The following RALGAPA2 variants were observed in gnomAD, a reference collection of about 807,000 sequenced individuals.
The protein encoded by RALGAPA2 is ral GTPase-activating protein subunit alpha-2.
RALGAPA2 carries 139 observed loss-of-function variants against 230.4 expected under a neutral mutation model. The observed-to-expected ratio is 0.60, with a 90% CI of 0.53 to 0.69. The LOEUF (loss-of-function observed/expected upper bound fraction) is 0.69. Among genes scored for constraint, RALGAPA2 ranks in the 30% least tolerant of loss-of-function variants. The probability of loss-of-function intolerance (pLI) is 0.00; values close to 1 mark genes in which losing one functional copy is unlikely to be tolerated. For missense variants in RALGAPA2, 2,163 were observed against 2,276.0 expected (o/e 0.95, Z 1.01); for synonymous variants, 847 against 837.8 (o/e 1.01, Z -0.19).
intron 1 of RALGAPA2, among the ~76,000 whole-genome samples, chr20:20,689,444 T>C (rs1175382442): frequency 6.6e-6 from 1 of 151,974 alleles, no homozygotes; most frequent in Non-Finnish European, 1.5e-5. Context: ...AAGGTCAAGA[T>C]CATCCTGGCC....
intron 14 of RALGAPA2, among the ~76,000 whole-genome samples, chr20:20,605,677 G>A (rs1420710949): frequency 6.6e-6 from 1 of 152,086 alleles, no homozygotes; most frequent in African/African-American, 2.4e-5. Flanking sequence ...TATAATCAGA[G>A]AAAAGACAAA....
intron 4 of RALGAPA2, among the ~76,000 whole-genome samples, chr20:20,649,342 T>C (rs959895869): frequency 1.3e-5 from 2 of 152,130 alleles, no homozygotes; most frequent in Admixed American, 6.5e-5. Flanking sequence ...AGTAGGGACC[T>C]TGAGAAATGA....
At position 20,412,076 on chromosome 20, in the gene RALGAPA2, G is replaced by A. The variant is rs1275533052; in HGVS notation, c.5568C>T (p.Phe1856=). ...GAGAGGGAGAAAAGACTTGGGCTGC[G>A]AAATCCTCGAATGTCATTACTTCGC... The part of the protein sequence containing the change: ...NHREVMTFED[F]AAQVFSPSPS... Residue 1856 remains phenylalanine, a synonymous_variant, in exon 38 of 40, where the codon TTC becomes TTT. Coordinates refer to ENST00000202677, the MANE Select transcript of RALGAPA2 (RefSeq NM_020343.4). The A allele has an allele frequency of 5.6e-6, 9 of 1,613,838 alleles. No individual in the cohort carries two copies. Among genetic ancestry groups the A allele is most frequent in the East Asian group, 2.2e-5 (1 of 44,898 alleles).
intron 15 of RALGAPA2, among the ~76,000 whole-genome samples, chr20:20,603,172 C>T (rs1036454047): frequency 4.6e-5 from 7 of 152,194 alleles, no homozygotes; most frequent in East Asian, 3.9e-4. Flanking sequence ...TACCTTCAAC[C>T]GGGAAGAAAA....
At chr20:20,543,068 G>A (rs567821165) in intron 24 of RALGAPA2, among the ~76,000 whole-genome samples, 7 of 151,230 alleles carry the variant, frequency 4.6e-5, no homozygotes, top group African/African-American at 1.7e-4. Context: ...TTTTTTAGAC[G>A]GAGTCATGCT....
chr20:20,574,772 T>C (rs1359783754), intron 20 of RALGAPA2, among the ~76,000 whole-genome samples: 1 of 152,210 alleles, frequency 6.6e-6, no homozygotes, highest in Non-Finnish European at 1.5e-5. Context: ...TATCTCTATT[T>C]GCTTCCATGA....
intron 3 of RALGAPA2, among the ~76,000 whole-genome samples, chr20:20,665,896 T>C (rs1441272433): frequency 2.6e-5 from 4 of 152,186 alleles, no homozygotes; most frequent in African/African-American, 9.7e-5. Context: ...ACAGGCAACA[T>C]ATGAGACCAG....
Position 20,524,456 on chromosome 20 carries a change from G to C in RALGAPA2, c.3850C>G (p.Leu1284Val), listed in dbSNP as rs767995960. 4 of 1,613,668 alleles carry C rather than the reference G, an allele frequency of 2.5e-6. No homozygotes were observed. Among genetic ancestry groups the C allele is most frequent in the African/African-American group, 2.7e-5 (2 of 74,858 alleles). The change falls in exon 30 of 40, where the codon CTA (leucine) becomes GTA (valine). Residue 1284 changes from leucine (L) to valine (V), a missense_variant. Transcript: ENST00000202677. Reference sequence around the variant, plus strand: ...GCTCTGGCCGAATGCTGCTCCTCTAGGACTGCTGTGGACACGGGGTGGAGA... The same window carrying C: ...GCTCTGGCCGAATGCTGCTCCTCTACGACTGCTGTGGACACGGGGTGGAGA... ...VLLHPVSTAVLEEQHSARAPL... is the reference protein window; with the variant it reads ...VLLHPVSTAVVEEQHSARAPL...
chr20:20,555,176 A>T (rs1184945194), intron 23 of RALGAPA2, among the ~76,000 whole-genome samples: 1 of 152,142 alleles, frequency 6.6e-6, no homozygotes, highest in Non-Finnish European at 1.5e-5. Context: ...TGTTGAATTG[A>T]CTATTCTTTT....
chr20:20,456,647 G>A (rs916165287), intron 37 of RALGAPA2, among the ~76,000 whole-genome samples: 1 of 152,246 alleles, frequency 6.6e-6, no homozygotes. Context: ...AACTAGCCAA[G>A]TGGAGGGGCT....
intron 4 of RALGAPA2, among the ~76,000 whole-genome samples, chr20:20,644,892 A>C (rs1331542912): frequency 1.3e-5 from 2 of 152,144 alleles, no homozygotes; most frequent in African/African-American, 2.4e-5. Context: ...ATTACACCTT[A>C]TGGTGGCTGG....
chr20:20,582,269 T>A (rs1291144110), intron 20 of RALGAPA2, among the ~76,000 whole-genome samples: 1 of 152,062 alleles, frequency 6.6e-6, no homozygotes, highest in Non-Finnish European at 1.5e-5. Flanking sequence ...AGATGTTCAC[T>A]CATTTATTCT....
chr20:20,611,362 G>A lies in RALGAPA2; in HGVS notation c.1753C>T (p.Gln585Ter). The A allele has an allele frequency of 6.2e-7, 1 of 1,613,520 alleles. No homozygotes were observed. The highest frequency in any genetic ancestry group is 1.7e-5 in the Admixed American group (1 of 60,010). The change falls in exon 14 of 40, where the codon CAA becomes TAA. Residue 585 changes from glutamine to a stop codon, truncating the protein, a stop_gained. Coordinates refer to ENST00000202677, the MANE Select transcript of RALGAPA2 (RefSeq NM_020343.4). LOFTEE classifies it high-confidence loss of function. ...CTCTGGGCAAACAAGTCCTTTATTT[G>A]TTTATCCTTTGGCTTCTGCATGACA... ...EAVMQKPKDKQIKDLFAQSLA... is the reference protein window; with the variant it reads ...EAVMQKPKDK
chr20:20,549,675 G>A lies in RALGAPA2; in HGVS notation c.3157-2843C>T, dbSNP rs1055147970. ...ACATTTTAAAATTAGGAATAACCAC[G>A]TGGTACTCAAAGAAGAGCCGCTGCA... On this transcript the variant is annotated intron_variant, in intron 23 of 39. Transcript: ENST00000202677. Among the ~76,000 whole-genome samples the A allele has an allele frequency of 7.2e-5, 11 of 152,148 alleles. No homozygotes were observed. The East Asian group carries it at 1.7e-3, about 24-fold the overall frequency.
At chr20:20,702,053 AAAGAAAG>A (rs2069400744) in intron 1 of RALGAPA2, among the ~76,000 whole-genome samples, 1 of 151,852 alleles carries the variant, frequency 6.6e-6, no homozygotes, top group African/African-American at 2.4e-5. Context: ...AAAAAAAAAA[AAAGAAAG>A]AAAGAAAGAA....
rs1331783515 is a variant in RALGAPA2 at position 20,512,811 on chromosome 20, GAAC to G, written c.4555_4557del (p.Val1519del). Reference sequence around the variant, plus strand: ...CCAATGTTTTCAAGTAATTTGTCAAGAACATCATCCCCCTCCTCAACTTGAGAA... The same window carrying G: ...CCAATGTTTTCAAGTAATTTGTCAAGATCATCCCCCTCCTCAACTTGAGAA... On this transcript the variant is annotated inframe_deletion, in exon 32 of 40. Coordinates refer to ENST00000202677, the MANE Select transcript of RALGAPA2 (RefSeq NM_020343.4). The G allele has an allele frequency of 6.2e-7, 1 of 1,613,730 alleles. No homozygotes were observed. The highest frequency in any genetic ancestry group is 2.2e-5 in the East Asian group (1 of 44,886).
At chr20:20,677,933 A>G (rs948585479) in intron 2 of RALGAPA2, among the ~76,000 whole-genome samples, 1 of 152,004 alleles carries the variant, frequency 6.6e-6, no homozygotes, top group African/African-American at 2.4e-5. Context: ...GGTGTGAGCC[A>G]CCGCGCCTGA....
chr20:20,400,592 T>C (rs1345900110), intron 38 of RALGAPA2, among the ~76,000 whole-genome samples: 1 of 152,230 alleles, frequency 6.6e-6, no homozygotes, highest in Non-Finnish European at 1.5e-5. Flanking sequence ...ACTTTCTTGT[T>C]AGGCCATCAT....
chr20:20,622,283 AG>A (rs953857400), intron 10 of RALGAPA2, among the ~76,000 whole-genome samples: 1 of 152,194 alleles, frequency 6.6e-6, no homozygotes, highest in Non-Finnish European at 1.5e-5. Context: ...GGAAAAAAAA[AG>A]ATGGGGGAAA....
Sources: allele counts gnomAD v4.1 joint callset (sites outside exome capture counted in the v4.1 genomes callset), GRCh38; gene constraint gnomAD v4.1.1; transcripts MANE v1.5; gene names NCBI Gene and HGNC (gene_info 2026-07-23, HGNC 2026-07-21).